Variants in NDUFA9 observed in about 807,000 individuals in gnomAD.
NDUFA9 encodes the protein NADH dehydrogenase [ubiquinone] 1 alpha subcomplex subunit 9, mitochondrial.
A neutral mutation model predicts 45.9 loss-of-function variants in NDUFA9; 23 were observed. That is an observed-to-expected ratio of 0.50 (90% confidence interval 0.36 to 0.71). NDUFA9 has a LOEUF of 0.71. NDUFA9 is among the 30% of genes least tolerant of loss of function. The probability of loss-of-function intolerance (pLI) is 0.00; values close to 1 mark genes in which losing one functional copy is unlikely to be tolerated. For missense variants in NDUFA9, 466 were observed against 488.2 expected, an observed-to-expected ratio of 0.95 and a Z score of 0.43; for synonymous variants, 176 against 170.5, an observed-to-expected ratio of 1.03 and a Z score of -0.25.
rs774544562 is a variant in NDUFA9, at chr12:4,682,243, T to A, written c.839T>A (p.Ile280Asn). 3.7e-6 allele frequency: 6 copies of A among 1,613,346 alleles called. No individual in the cohort carries two copies. Among genetic ancestry groups the A allele is most frequent in the Non-Finnish European group, 5.1e-6 (6 of 1,179,632 alleles). Reference sequence around the variant, plus strand: ...CTCCTTTTCCACCTGGTGAAGTACATCTTTGCTGTGGCTCACAGATTGTTC... The same window carrying A: ...CTCCTTTTCCACCTGGTGAAGTACAACTTTGCTGTGGCTCACAGATTGTTC... Reference protein sequence around the residue: ...RYLLFHLVKYIFAVAHRLFLP... With the variant: ...RYLLFHLVKYNFAVAHRLFLP... Residue 280 changes from isoleucine to asparagine, a missense_variant, in exon 9 of 11, where the codon ATC becomes AAC. Transcript: ENST00000266544.
chr12:4,652,967 A>G (rs1334258537), intron 1 of NDUFA9, among the ~76,000 whole-genome samples: 1 of 152,252 alleles, frequency 6.6e-6, no homozygotes, highest in Non-Finnish European at 1.5e-5. Flanking sequence ...AGAAACAAAC[A>G]CAGATTTTCT....
intron 6 of NDUFA9, among the ~76,000 whole-genome samples, chr12:4,664,674 G>C (rs1339461654): frequency 6.6e-6 from 1 of 152,190 alleles, no homozygotes; most frequent in Non-Finnish European, 1.5e-5. Context: ...GGGTGGGGCT[G>C]CTGCCCCAGT....
chr12:4,676,792 A>G lies in NDUFA9; in HGVS notation c.801-5413A>G, dbSNP rs532592305. ...ATTGACTTTCTTCACAGAATTGGAA[A>G]AATACTACTTTAAATTTCATATGGA... On this transcript the variant is annotated intron_variant, in intron 8 of 10. Coordinates refer to ENST00000266544, the MANE Select transcript of NDUFA9 (RefSeq NM_005002.5). 1.5e-4 allele frequency among the ~76,000 whole-genome samples: 23 copies of G among 152,336 alleles called. No individual in the cohort carries two copies. In the East Asian group the frequency reaches 4.2e-3, roughly 28 times the overall value.
rs976772635 is a variant in NDUFA9, at chr12:4,692,166, C to T, written c.*5058C>T. On this transcript the variant is annotated 3_prime_UTR_variant, in exon 11 of 11. Transcript: ENST00000266544. ...ATATTGGTGATGTGGTTTGGATGTC[C>T]CCACCCAAATCTCATGTTGCAATGT... 6.6e-6 allele frequency: 1 copy of T among 152,046 alleles called. No homozygotes were observed. Among genetic ancestry groups the T allele is most frequent in the Non-Finnish European group, 1.5e-5 (1 of 68,016 alleles). 9.4% of individuals were successfully genotyped at this position (152,046 alleles called of 1,614,324 possible).
chr12:4,676,380 A>G (rs112199072), intron 8 of NDUFA9, among the ~76,000 whole-genome samples: 2,088 of 152,346 alleles, frequency 0.014, 50 homozygotes, highest in African/African-American at 0.048. Flanking sequence ...ATGATTGTAT[A>G]TTTAGAAAAC....
At chr12:4,678,021 T>G (rs780864679) in intron 8 of NDUFA9, among the ~76,000 whole-genome samples, 1 of 152,136 alleles carries the variant, frequency 6.6e-6, no homozygotes, top group Non-Finnish European at 1.5e-5. Flanking sequence ...GAAACCATCA[T>G]TCTCAGCAAA....
rs1945829796 is a variant in NDUFA9, at chr12:4,662,611, G to A, written c.631G>A (p.Asp211Asn). 1 of 1,613,556 alleles carries A rather than the reference G, an allele frequency of 6.2e-7. No individual in the cohort carries two copies. Among genetic ancestry groups the A allele is most frequent in the African/African-American group, 1.3e-5 (1 of 74,906 alleles). Residue 211 changes from aspartate (D) to asparagine (N), a missense_variant, in exon 6 of 11, where the codon GAT (aspartate) becomes AAT (asparagine). By Grantham distance (23) the Asp-to-Asn change is conservative. Transcript: ENST00000266544. ...VKPSDIFGREDRFLNSFASMH... is the reference protein window; with the variant it reads ...VKPSDIFGRENRFLNSFASMH... ...GCCGTCGGACATCTTTGGAAGAGAG[G>A]ATAGATTCCTTAATTCTTTTGCAAG...
intron 7 of NDUFA9, 109 bp from the exon 8 acceptor site, chr12:4,669,632 C>A: frequency 6.5e-6 from 4 of 616,532 alleles, no homozygotes; most frequent in South Asian, 2.3e-5. Flanking sequence ...CTCCTTTCTC[C>A]TTCCTTCCTT....
chr12:4,682,192 T>C lies in NDUFA9; in HGVS notation c.801-13T>C, dbSNP rs763876550. The C allele has an allele frequency of 3.2e-6, 5 of 1,578,884 alleles. No individual in the cohort carries two copies. The highest frequency in any genetic ancestry group is 4.3e-6 in the Non-Finnish European group (5 of 1,153,240). ...GCGTGTAATTGAAAGAACTGTGTAT[T>C]GTCTTTTTATAGTCCCAGTCGGTAC... On this transcript the variant is annotated splice_polypyrimidine_tract_variant and intron_variant, in intron 8 of 10. Transcript: ENST00000266544.
At position 4,649,134 on chromosome 12, in the gene NDUFA9, C is replaced by G. The variant is rs756216768; in HGVS notation, c.8C>G (p.Ala3Gly). 1.2e-6 allele frequency: 2 copies of G among 1,604,680 alleles called. No homozygotes were observed. Among genetic ancestry groups the G allele is most frequent in the Non-Finnish European group, 1.7e-6 (2 of 1,175,930 alleles). ...GGGGGATTGTGGGAAAAGATGGCGGCTGCCGCACAATCCCGGGTTGTCCGG... is the reference window on the plus strand; with the variant it reads ...GGGGGATTGTGGGAAAAGATGGCGGGTGCCGCACAATCCCGGGTTGTCCGG... Reference protein sequence around the residue: MAAAAQSRVVRVL... With the variant: MAGAAQSRVVRVL... Residue 3 changes from alanine to glycine, a missense_variant, in exon 1 of 11, where the codon GCT becomes GGT. Coordinates refer to ENST00000266544, the MANE Select transcript of NDUFA9 (RefSeq NM_005002.5).
At position 4,654,875 on chromosome 12, in the gene NDUFA9, A is replaced by C; in HGVS notation, c.271A>C (p.Ile91Leu). The change falls in exon 3 of 11, where the codon ATC becomes CTC. Residue 91 changes from isoleucine (I) to leucine (L), a missense_variant. Ile to Leu is a conservative substitution (Grantham distance 5). Coordinates refer to ENST00000266544, the MANE Select transcript of NDUFA9 (RefSeq NM_005002.5). ...ACCCTATCGGTGTGATAAATATGACATCATGCACCTTCGTCCCATGGGTGA... is the reference window on the plus strand; with the variant it reads ...ACCCTATCGGTGTGATAAATATGACCTCATGCACCTTCGTCCCATGGGTGA... ...IIPYRCDKYD[I>L]MHLRPMGDLG... 6.2e-7 allele frequency: 1 copy of C among 1,614,084 alleles called. No individual in the cohort carries two copies. The highest frequency in any genetic ancestry group is 8.5e-7 in the Non-Finnish European group (1 of 1,179,980).
intron 8 of NDUFA9, among the ~76,000 whole-genome samples, chr12:4,674,443 A>G (rs1316338052): frequency 1.3e-5 from 2 of 152,206 alleles, no homozygotes; most frequent in Non-Finnish European, 2.9e-5. Flanking sequence ...TTCACATGCA[A>G]AGACACACAT....
chr12:4,676,280 G>A (rs1304905175), intron 8 of NDUFA9, among the ~76,000 whole-genome samples: 1 of 152,178 alleles, frequency 6.6e-6, no homozygotes, highest in Non-Finnish European at 1.5e-5. Context: ...AGTGTTGGAA[G>A]TTCTGGCTGG....
chr12:4,650,071 T>C (rs1277878688), intron 1 of NDUFA9, among the ~76,000 whole-genome samples: 1 of 152,212 alleles, frequency 6.6e-6, no homozygotes, highest in Non-Finnish European at 1.5e-5. Flanking sequence ...CAAAATTGGC[T>C]CATGTCAGAA....
intron 6 of NDUFA9, among the ~76,000 whole-genome samples, chr12:4,665,119 A>G (rs995481591): frequency 6.6e-6 from 1 of 152,138 alleles, no homozygotes; most frequent in Non-Finnish European, 1.5e-5. Flanking sequence ...CAAGATTAAG[A>G]CCCTTTTAAC....
intron 9 of NDUFA9, chr12:4,684,843 G>A (rs1195884509): frequency 5.2e-6 from 2 of 383,646 alleles, no homozygotes; most frequent in African/African-American, 4.1e-5. Flanking sequence ...CCAGCTTTCA[G>A]GGGTTACGTT....
chr12:4,675,423 A>T (rs1364043328), intron 8 of NDUFA9, among the ~76,000 whole-genome samples: 2 of 151,536 alleles, frequency 1.3e-5, no homozygotes, highest in Non-Finnish European at 2.9e-5. Flanking sequence ...CCAGACTAAT[A>T]AAGAAGAAAA....
chr12:4,653,196 A>G (rs1945769541), intron 1 of NDUFA9, among the ~76,000 whole-genome samples: 1 of 152,268 alleles, frequency 6.6e-6, no homozygotes, highest in Non-Finnish European at 1.5e-5. Flanking sequence ...CATTCCTGCC[A>G]TATGAAGAAT....
chr12:4,677,788 A>G (rs899033470), intron 8 of NDUFA9, among the ~76,000 whole-genome samples: 2 of 152,244 alleles, frequency 1.3e-5, no homozygotes, highest in African/African-American at 4.8e-5. Context: ...ATTACTGAGT[A>G]TATATACCCA....
Sources: allele counts gnomAD v4.1 joint callset (sites outside exome capture counted in the v4.1 genomes callset), GRCh38; gene constraint gnomAD v4.1.1; transcripts MANE v1.5; gene names NCBI Gene and HGNC (gene_info 2026-07-23, HGNC 2026-07-21).